Variants in SCFD2 observed in about 807,000 individuals in gnomAD.
SCFD2 encodes the protein sec1 family domain-containing protein 2.
In SCFD2, 54 loss-of-function variants were observed where a neutral mutation model predicts 58.9. The observed-to-expected ratio is 0.92, with a 90% CI of 0.74 to 1.15. The LOEUF is 1.15. Among genes scored for constraint, SCFD2 ranks in the 50% most tolerant of loss-of-function variants. SCFD2 has a pLI of 0.00. For missense variants in SCFD2, 805 were observed against 836.6 expected (o/e 0.96, Z 0.47); for synonymous variants, 321 against 335.9 (o/e 0.96, Z 0.49).
intron 2 of SCFD2, among the ~76,000 whole-genome samples, chr4:53,331,395 T>A (rs971889686): frequency 2.0e-5 from 3 of 152,156 alleles, no homozygotes; most frequent in African/African-American, 4.8e-5. Flanking sequence ...TAATGAACTA[T>A]CTCTCAGACC....
At chr4:53,353,099 C>G (rs1419175806) in intron 1 of SCFD2, among the ~76,000 whole-genome samples, 1 of 152,158 alleles carries the variant, frequency 6.6e-6, no homozygotes, top group Admixed American at 6.5e-5. Flanking sequence ...GTGAGTGTTA[C>G]AGTTCTTAAA....
At chr4:52,948,598 C>A (rs1336517893) in intron 5 of SCFD2, 1 of 452,964 alleles carries the variant, frequency 2.2e-6, no homozygotes. Flanking sequence ...CATGCCAAGT[C>A]TCTTTACTGC....
chr4:53,209,743 T>C (rs967386494), intron 4 of SCFD2, among the ~76,000 whole-genome samples: 5 of 151,876 alleles, frequency 3.3e-5, no homozygotes, highest in Non-Finnish European at 7.4e-5. Context: ...ATTGTTTTGC[T>C]AGTAACTTTG....
intron 5 of SCFD2, among the ~76,000 whole-genome samples, chr4:53,125,822 A>C (rs1162919316): frequency 6.6e-6 from 1 of 152,138 alleles, no homozygotes; most frequent in Non-Finnish European, 1.5e-5. Context: ...CACTAAAGGG[A>C]GGGGGTAGAT....
chr4:53,058,309 T>TA (rs891614811), intron 5 of SCFD2, among the ~76,000 whole-genome samples: 16 of 152,008 alleles, frequency 1.1e-4, no homozygotes, highest in Non-Finnish European at 2.1e-4. Flanking sequence ...CATATAGGCA[T>TA]AAAAAAAGAT....
intron 2 of SCFD2, among the ~76,000 whole-genome samples, chr4:53,327,680 T>C (rs530855368): frequency 8.5e-4 from 129 of 152,282 alleles, no homozygotes; most frequent in African/African-American, 3.0e-3. Flanking sequence ...TACAGGAGAC[T>C]GAGCAAAGTA....
intron 5 of SCFD2, among the ~76,000 whole-genome samples, chr4:53,127,412 C>T (rs1165616743): frequency 6.6e-6 from 1 of 152,030 alleles, no homozygotes; most frequent in African/African-American, 2.4e-5. Context: ...ATGTGCGCAC[C>T]CCCCACCCCA....
chr4:52,899,378 G>A (rs1422599096), intron 7 of SCFD2, among the ~76,000 whole-genome samples: 1 of 152,144 alleles, frequency 6.6e-6, no homozygotes. Context: ...TTGTTTGTCT[G>A]TAAAGGATTT....
At chr4:53,125,647 T>G (rs1725605044) in intron 5 of SCFD2, among the ~76,000 whole-genome samples, 1 of 152,224 alleles carries the variant, frequency 6.6e-6, no homozygotes, top group Non-Finnish European at 1.5e-5. Flanking sequence ...GTTATATACA[T>G]GCAGGGAAAC....
chr4:53,119,089 G>T (rs1017113369), intron 5 of SCFD2, among the ~76,000 whole-genome samples: 5 of 152,052 alleles, frequency 3.3e-5, no homozygotes, highest in African/African-American at 1.2e-4. Flanking sequence ...AAGCCGAGGT[G>T]GGTAAATCAC....
At chr4:52,888,840 C>T (rs1165288335) in intron 7 of SCFD2, among the ~76,000 whole-genome samples, 4 of 152,154 alleles carry the variant, frequency 2.6e-5, no homozygotes, top group Non-Finnish European at 4.4e-5. Flanking sequence ...TTTTATGTAC[C>T]TCTCAAACCT....
chr4:53,081,096 A>T (rs1724134083), intron 5 of SCFD2, among the ~76,000 whole-genome samples: 1 of 152,196 alleles, frequency 6.6e-6, no homozygotes, highest in Admixed American at 6.6e-5. Context: ...AATGCAACAC[A>T]TGATTAAATC....
At chr4:53,303,359 C>T (rs1043930993) in intron 3 of SCFD2, among the ~76,000 whole-genome samples, 4 of 152,190 alleles carry the variant, frequency 2.6e-5, no homozygotes, top group African/African-American at 9.7e-5. Context: ...AAATGCTCAT[C>T]ATCACTGGTC....
chr4:53,181,095 T>C (rs1727536764), intron 4 of SCFD2, among the ~76,000 whole-genome samples: 1 of 152,188 alleles, frequency 6.6e-6, no homozygotes. Context: ...CCTGGTACCA[T>C]TCCTTCTGAA....
intron 5 of SCFD2, among the ~76,000 whole-genome samples, chr4:52,932,523 C>T (rs534241289): frequency 2.6e-5 from 4 of 152,160 alleles, no homozygotes; most frequent in Non-Finnish European, 4.4e-5. Flanking sequence ...CTGTAAGTAT[C>T]GGGGGAATAG....
intron 5 of SCFD2, among the ~76,000 whole-genome samples, chr4:53,142,821 C>G (rs1461106742): frequency 6.6e-6 from 1 of 152,124 alleles, no homozygotes; most frequent in African/African-American, 2.4e-5. Context: ...AAATAAAGTC[C>G]TATTGGTCTT....
intron 5 of SCFD2, among the ~76,000 whole-genome samples, chr4:53,109,531 A>C (rs111678735): frequency 0.034 from 5,203 of 152,176 alleles, 138 homozygotes; most frequent in East Asian, 0.11. Flanking sequence ...TCTCAGGATA[A>C]AAAATCAATG....
intron 5 of SCFD2, among the ~76,000 whole-genome samples, chr4:53,126,462 T>A (rs1378958975): frequency 1.3e-5 from 2 of 152,106 alleles, no homozygotes; most frequent in African/African-American, 4.8e-5. Context: ...ATTACAGGCA[T>A]GTGCCACCAT....
intron 5 of SCFD2, among the ~76,000 whole-genome samples, chr4:53,024,760 A>T (rs1327464442): frequency 6.9e-6 from 1 of 144,958 alleles, no homozygotes; most frequent in Non-Finnish European, 1.5e-5. Context: ...AACCCATGGG[A>T]TGACGTTACT....
Sources: gnomAD v4.1 joint callset for allele counts (sites outside exome capture counted in the v4.1 genomes callset) on GRCh38, gnomAD v4.1.1 for gene constraint, MANE v1.5 for transcripts, NCBI Gene and HGNC (gene_info 2026-07-23, HGNC 2026-07-21) for gene names.